Variants in ADAMTSL1 observed in about 807,000 individuals in gnomAD.
ADAMTSL1 encodes the protein ADAMTS-like protein 1.
Under a neutral mutation model 201.8 loss-of-function variants are expected in ADAMTSL1, and 126 were observed. That is an observed-to-expected ratio of 0.62 (90% CI 0.54 to 0.72). The LOEUF (loss-of-function observed/expected upper bound fraction) is 0.72, where lower values mean the gene tolerates loss of function less well. Ranked by LOEUF, ADAMTSL1 falls within the 30% of genes least tolerant of loss-of-function variation. ADAMTSL1 has a pLI of 0.00. For missense variants in ADAMTSL1, 2,679 were observed against 2,277.8 expected, an observed-to-expected ratio of 1.18 and a Z score of -3.59; for synonymous variants, 1,121 against 903.4, an observed-to-expected ratio of 1.24 and a Z score of -4.32.
chr9:18,316,131 A>C (rs970041521), intron 2 of ADAMTSL1, among the ~76,000 whole-genome samples: 2 of 152,190 alleles, frequency 1.3e-5, no homozygotes, highest in Non-Finnish European at 2.9e-5. Context: ...ATGTGCGAAT[A>C]GGTGTGGGTC....
intron 1 of ADAMTSL1, among the ~76,000 whole-genome samples, chr9:18,053,652 G>A (rs1042236569): frequency 3.9e-5 from 6 of 152,042 alleles, no homozygotes; most frequent in Non-Finnish European, 5.9e-5. Flanking sequence ...CAGAAATCTC[G>A]AAAAGCCACT....
At chr9:18,507,477 T>C (rs1001498646) in intron 2 of ADAMTSL1, among the ~76,000 whole-genome samples, 3 of 152,346 alleles carry the variant, frequency 2.0e-5, no homozygotes, top group Admixed American at 6.5e-5. Context: ...TGTTCCTGGA[T>C]GCTATAATGC....
intron 9 of ADAMTSL1, among the ~76,000 whole-genome samples, chr9:18,667,868 T>G (rs1564133794): frequency 6.6e-6 from 1 of 152,182 alleles, no homozygotes; most frequent in African/African-American, 2.4e-5. Flanking sequence ...AATATGATCT[T>G]GAGAGTAAAT....
intron 1 of ADAMTSL1, among the ~76,000 whole-genome samples, chr9:18,039,551 C>T (rs1037166565): frequency 1.3e-5 from 2 of 152,034 alleles, no homozygotes; most frequent in Non-Finnish European, 2.9e-5. Context: ...TTCTACGGAA[C>T]AAACATTTTT....
chr9:18,706,204 G>GT (rs1832219996), intron 13 of ADAMTSL1, among the ~76,000 whole-genome samples: 1 of 152,210 alleles, frequency 6.6e-6, no homozygotes. Context: ...ACCATATAGG[G>GT]TAACTTCCAG....
At chr9:18,388,920 C>A (rs1259358356) in intron 2 of ADAMTSL1, among the ~76,000 whole-genome samples, 1 of 151,940 alleles carries the variant, frequency 6.6e-6, no homozygotes. Context: ...CCTCACCCGG[C>A]TAATTTTTGT....
chr9:18,288,830 A>G (rs1331593818), intron 2 of ADAMTSL1, among the ~76,000 whole-genome samples: 1 of 152,234 alleles, frequency 6.6e-6, no homozygotes, highest in East Asian at 1.9e-4. Context: ...AAAGAGTATG[A>G]TCTAAATCAG....
chr9:17,987,073 G>A (rs1461846226), intron 1 of ADAMTSL1, among the ~76,000 whole-genome samples: 3 of 152,014 alleles, frequency 2.0e-5, no homozygotes, highest in South Asian at 2.1e-4. Context: ...TCTCTTTCAT[G>A]GACTTAGTGA....
At chr9:18,424,787 C>A (rs968919563) in intron 2 of ADAMTSL1, among the ~76,000 whole-genome samples, 1 of 152,116 alleles carries the variant, frequency 6.6e-6, no homozygotes, top group Non-Finnish European at 1.5e-5. Flanking sequence ...CAAGTGGAAT[C>A]TTGAGGTTTT....
At chr9:18,837,824 A>C (rs1218013361) in intron 23 of ADAMTSL1, among the ~76,000 whole-genome samples, 1 of 152,160 alleles carries the variant, frequency 6.6e-6, no homozygotes, top group African/African-American at 2.4e-5. Context: ...CTTTACAGAA[A>C]ATGTTTGCCA....
At chr9:17,989,403 C>T (rs555913849) in intron 1 of ADAMTSL1, among the ~76,000 whole-genome samples, 3 of 151,944 alleles carry the variant, frequency 2.0e-5, no homozygotes, top group African/African-American at 7.2e-5. Context: ...ACTGCTTTAT[C>T]ATAATTTAAT....
intron 1 of ADAMTSL1, among the ~76,000 whole-genome samples, chr9:17,967,189 G>A (rs886845870): frequency 5.9e-5 from 9 of 152,052 alleles, no homozygotes; most frequent in East Asian, 1.9e-4. Context: ...ACAAATACCC[G>A]TACACATTCA....
intron 1 of ADAMTSL1, among the ~76,000 whole-genome samples, chr9:18,134,172 G>C (rs1826062808): frequency 1.3e-5 from 2 of 152,172 alleles, no homozygotes; most frequent in South Asian, 4.1e-4. Context: ...ACATATGGAA[G>C]TATGCACTCA....
chr9:18,477,552 C>T (rs772340287), intron 1 of ADAMTSL1, among the ~76,000 whole-genome samples: 7 of 152,278 alleles, frequency 4.6e-5, no homozygotes, highest in Non-Finnish European at 8.8e-5. Flanking sequence ...GAGACCGCGG[C>T]CTGTTCCAGC....
chr9:18,326,062 T>C (rs1368340523), intron 2 of ADAMTSL1, among the ~76,000 whole-genome samples: 1 of 152,106 alleles, frequency 6.6e-6, no homozygotes, highest in Non-Finnish European at 1.5e-5. Flanking sequence ...TTAATCCTAG[T>C]AGAGAGGAAG....
At chr9:18,841,095 G>C (rs1437079038) in intron 23 of ADAMTSL1, among the ~76,000 whole-genome samples, 1 of 150,162 alleles carries the variant, frequency 6.7e-6, no homozygotes, top group Non-Finnish European at 1.5e-5. Context: ...TGGTGAGAGA[G>C]GGCATCCCTG....
intron 14 of ADAMTSL1, among the ~76,000 whole-genome samples, chr9:18,720,682 C>G (rs984159063): frequency 9.2e-5 from 14 of 152,284 alleles, no homozygotes; most frequent in Middle Eastern, 3.4e-3. Flanking sequence ...ACTCGGGAGG[C>G]TGAGGCAGGA....
intron 2 of ADAMTSL1, among the ~76,000 whole-genome samples, chr9:18,355,013 A>T (rs1231385753): frequency 6.6e-6 from 1 of 152,118 alleles, no homozygotes; most frequent in Non-Finnish European, 1.5e-5. Flanking sequence ...GACTAAGAAA[A>T]TTGACAAAGC....
chr9:18,451,660 A>G (rs546180238), intron 2 of ADAMTSL1, among the ~76,000 whole-genome samples: 8 of 152,178 alleles, frequency 5.3e-5, no homozygotes, highest in Non-Finnish European at 1.2e-4. Context: ...CTCTATCTGA[A>G]CTCGTTGTTT....
Sources: gnomAD v4.1 joint callset for allele counts (sites outside exome capture counted in the v4.1 genomes callset) on GRCh38, gnomAD v4.1.1 for gene constraint, MANE v1.5 for transcripts, NCBI Gene and HGNC (gene_info 2026-07-23, HGNC 2026-07-21) for gene names.